ADAMTS12: variants seen among roughly 807,000 people sequenced by gnomAD.
ADAMTS12 encodes ADAM metallopeptidase with thrombospondin type 1 motif 12.
ADAMTS12 carries 118 observed loss-of-function variants against 167.8 expected under a neutral mutation model. The observed-to-expected ratio is 0.70, with a 90% CI of 0.61 to 0.82. The LOEUF is 0.82. ADAMTS12 is among the 40% of genes least tolerant of loss of function. The pLI is 0.00. For missense variants in ADAMTS12, 1,916 were observed against 1,998.8 expected, an observed-to-expected ratio of 0.96 and a Z score of 0.79; for synonymous variants, 704 against 716.9, an observed-to-expected ratio of 0.98 and a Z score of 0.29.
chr5:33,673,683 C>CT (rs1355570640), intron 5 of ADAMTS12, among the ~76,000 whole-genome samples: 2 of 151,690 alleles, frequency 1.3e-5, no homozygotes, highest in Middle Eastern at 3.2e-3. Flanking sequence ...ATATCATGAC[C>CT]ATGGCTCAAG....
chr5:33,600,926 G>A (rs997712436), intron 16 of ADAMTS12, among the ~76,000 whole-genome samples: 1 of 152,138 alleles, frequency 6.6e-6, no homozygotes, highest in African/African-American at 2.4e-5. Flanking sequence ...TTGTCAATGA[G>A]TCCATTCTTA....
chr5:33,712,060 T>G (rs1320930708), intron 3 of ADAMTS12, among the ~76,000 whole-genome samples: 1 of 152,182 alleles, frequency 6.6e-6, no homozygotes, highest in Non-Finnish European at 1.5e-5. Flanking sequence ...TACTTGGCTT[T>G]GTTCTACCTC....
At position 33,641,926 on chromosome 5, in the gene ADAMTS12, C is replaced by T. The variant is rs1740471692; in HGVS notation, c.1602G>A (p.Val534=). The change falls in exon 11 of 24, where the codon GTG becomes GTA. Residue 534 remains valine, a synonymous_variant. Transcript: ENST00000504830. The part of the protein sequence containing the change: ...KWCMAGKCIT[V]GKKPESIPGG... ...CAGGAATGCTCTCTGGTTTCTTCCC[C>T]ACTGTGATGCACTTGCCTGCCATAC... is the stretch of plus-strand genomic sequence containing the variant. 6.2e-7 allele frequency: 1 copy of T among 1,613,308 alleles called. No individual in the cohort carries two copies. Among genetic ancestry groups the T allele is most frequent in the Non-Finnish European group, 8.5e-7 (1 of 1,179,496 alleles).
intron 2 of ADAMTS12, among the ~76,000 whole-genome samples, chr5:33,843,943 T>C (rs911600377): frequency 1.2e-4 from 18 of 152,232 alleles, no homozygotes; most frequent in African/African-American, 4.1e-4. Flanking sequence ...GCTGAAGCCA[T>C]GGCAGAAGAA....
intron 16 of ADAMTS12, among the ~76,000 whole-genome samples, chr5:33,601,022 T>C (rs1040971350): frequency 4.6e-5 from 7 of 151,982 alleles, no homozygotes; most frequent in African/African-American, 1.7e-4. Context: ...TCATGCTCTA[T>C]GAGTTCAGAT....
Position 33,782,567 on chromosome 5 carries a change from T to C in ADAMTS12, c.490-31019A>G, listed in dbSNP as rs1390722376. On this transcript the variant is annotated intron_variant, in intron 2 of 23. Coordinates refer to ENST00000504830, the MANE Select transcript of ADAMTS12 (RefSeq NM_030955.4). ...GAAACACACATTATATTCAAAGACA[T>C]GGAATAGTTGAAAGTGAAAGAATTG... Among the ~76,000 whole-genome samples the C allele has an allele frequency of 5.3e-5, 8 of 152,034 alleles. No homozygotes were observed. The East Asian group carries it at 1.4e-3, about 26-fold the overall frequency.
intron 3 of ADAMTS12, 75 bp from the exon 4 acceptor site, chr5:33,684,130 G>A: frequency 9.0e-7 from 1 of 1,116,120 alleles, no homozygotes; most frequent in Non-Finnish European, 1.2e-6. Flanking sequence ...TAGTAAAGAT[G>A]CAAGGCCATA....
chr5:33,681,685 T>C (rs1040085119), intron 5 of ADAMTS12, among the ~76,000 whole-genome samples: 5 of 152,162 alleles, frequency 3.3e-5, no homozygotes, highest in Admixed American at 2.0e-4. Flanking sequence ...AATAAACTGG[T>C]CACTGAGACC....
intron 19 of ADAMTS12, among the ~76,000 whole-genome samples, chr5:33,561,898 C>G (rs1745766812): frequency 1.3e-5 from 2 of 152,332 alleles, no homozygotes; most frequent in South Asian, 4.1e-4. Context: ...TGCCCCTTGC[C>G]TCTCCTCCCT....
intron 2 of ADAMTS12, among the ~76,000 whole-genome samples, chr5:33,821,361 C>T (rs7719128): frequency 0.14 from 21,855 of 152,028 alleles, 2,035 homozygotes; most frequent in South Asian, 0.38. Flanking sequence ...TATGAAGATA[C>T]GCCAATTGTT....
At chr5:33,546,008 T>TAA (rs11338120) in intron 22 of ADAMTS12, 51 bp downstream of exon 22, 44 of 1,386,978 alleles carry the variant, frequency 3.2e-5, no homozygotes, top group Admixed American at 9.1e-5. Flanking sequence ...CTTAAAGTAT[T>TAA]AAAAAAAAAA....
chr5:33,749,247 A>G (rs1311561735), intron 3 of ADAMTS12, among the ~76,000 whole-genome samples: 1 of 152,162 alleles, frequency 6.6e-6, no homozygotes, highest in African/African-American at 2.4e-5. Flanking sequence ...AGAATTATTG[A>G]TGAAACAAGG....
At chr5:33,771,885 G>A (rs1745752924) in intron 2 of ADAMTS12, among the ~76,000 whole-genome samples, 1 of 150,956 alleles carries the variant, frequency 6.6e-6, no homozygotes, top group African/African-American at 2.4e-5. Context: ...GGCTGGAGTG[G>A]CACAATCTCA....
chr5:33,837,328 G>C (rs1748568942), intron 2 of ADAMTS12, among the ~76,000 whole-genome samples: 1 of 152,226 alleles, frequency 6.6e-6, no homozygotes, highest in African/African-American at 2.4e-5. Flanking sequence ...GCAATGGAAG[G>C]ACTGAGTGGC....
intron 2 of ADAMTS12, among the ~76,000 whole-genome samples, chr5:33,758,614 T>C (rs1008281903): frequency 2.6e-5 from 4 of 152,120 alleles, no homozygotes; most frequent in African/African-American, 9.7e-5. Flanking sequence ...GTCACTAAAA[T>C]TCTGAGCAGA....
chr5:33,687,356 A>G (rs1742372043), intron 3 of ADAMTS12, among the ~76,000 whole-genome samples: 1 of 152,222 alleles, frequency 6.6e-6, no homozygotes, highest in South Asian at 2.1e-4. Context: ...TCACCATCTT[A>G]TAGATGAAGG....
chr5:33,813,007 A>C (rs1369816502), intron 2 of ADAMTS12, among the ~76,000 whole-genome samples: 2 of 152,258 alleles, frequency 1.3e-5, no homozygotes. Flanking sequence ...AGTCAAACAC[A>C]AAAGAGTTTA....
At chr5:33,529,293 C>T (rs7702210) in intron 23 of ADAMTS12, among the ~76,000 whole-genome samples, 15,098 of 152,164 alleles carry the variant, frequency 0.099, 831 homozygotes, top group Non-Finnish European at 0.11. Context: ...AGTCAGGGAA[C>T]GAGAGTGGGT....
rs893165649 is a variant in ADAMTS12 at position 33,658,097 on chromosome 5, A to G, written c.1190+87T>C. The G allele has an allele frequency of 5.2e-6, 8 of 1,523,988 alleles. No individual in the cohort carries two copies. In the African/African-American group the frequency reaches 1.1e-4, roughly 21 times the overall value. The allele number at this position is 1,523,988 out of a possible 1,614,324, so 94.4% of individuals were successfully genotyped here. A position where few individuals can be genotyped will look rare whatever the true frequency, so the allele number is the denominator to read the frequency against. Reference sequence around the variant, plus strand: ...GTATAATCTGAGTCTCCTGACCCCCAATTTGAGGTGTGTTCACCTCAAATT... The same window carrying G: ...GTATAATCTGAGTCTCCTGACCCCCGATTTGAGGTGTGTTCACCTCAAATT... On this transcript the variant is annotated intron_variant, in intron 7 of 23. Transcript: ENST00000504830.
Sources: allele counts gnomAD v4.1 joint callset (sites outside exome capture counted in the v4.1 genomes callset), GRCh38; gene constraint gnomAD v4.1.1; transcripts MANE v1.5; gene names NCBI Gene and HGNC (gene_info 2026-07-23, HGNC 2026-07-21).